Variants in JAG1 observed in about 807,000 individuals in gnomAD.
JAG1 encodes protein jagged-1.
JAG1 carries 23 observed loss-of-function variants against 148.7 expected under a neutral mutation model. That is an observed-to-expected ratio of 0.15 (90% confidence interval 0.11 to 0.22). The LOEUF (loss-of-function observed/expected upper bound fraction) is 0.22, where lower values mean the gene tolerates loss of function less well. Ranked by LOEUF, JAG1 falls within the 10% of genes least tolerant of loss-of-function variation. JAG1 has a pLI of 1.00. For synonymous variants in JAG1, 572 were observed against 598.3 expected (o/e 0.96, Z 0.64); for missense variants, 1,054 against 1,611.2 (o/e 0.65, Z 5.92).
Position 10,673,216 on chromosome 20 carries a change from G to A in JAG1, c.82-210C>T, listed in dbSNP as rs2067510682. Among the ~76,000 whole-genome samples the A allele has an allele frequency of 6.6e-6, 1 of 152,174 alleles. No homozygotes were observed. Among genetic ancestry groups the A allele is most frequent in the South Asian group, 2.1e-4 (1 of 4,818 alleles). On this transcript the variant is annotated intron_variant, in intron 1 of 25. Coordinates refer to ENST00000254958, the MANE Select transcript of JAG1 (RefSeq NM_000214.3). The surrounding 1 kb of genome is among the most constrained non-coding windows in gnomAD (Gnocchi z 4.7). ...GCGGAAGAAATCCGACGACTTCCCGGGGGGCAACAGCGGAGCGAACGCGCC... is the reference window on the plus strand; with the variant it reads ...GCGGAAGAAATCCGACGACTTCCCGAGGGGCAACAGCGGAGCGAACGCGCC...
intron 2 of JAG1, among the ~76,000 whole-genome samples, chr20:10,668,918 G>A (rs375081235): frequency 2.0e-5 from 3 of 152,174 alleles, no homozygotes; most frequent in East Asian, 1.9e-4. Context: ...GTAGAATTAC[G>A]GGTGTGGAAC....
At chr20:10,651,992 T>C (rs2067349808) in intron 7 of JAG1, 139 bp downstream of exon 7, 2 of 1,006,770 alleles carry the variant, frequency 2.0e-6, no homozygotes. Context: ...TACAAAGGCT[T>C]ATAGAATGGT....
At position 10,646,780 on chromosome 20, in the gene JAG1, G is replaced by A. The variant is rs182863102; in HGVS notation, c.1885+159C>T. On this transcript the variant is annotated intron_variant, in intron 14 of 25. Transcript: ENST00000254958. ...GCCGAGGTTGTGGTGAGCCGAGATC[G>A]TGCCACTGCACTCTAGCCTGGGCAA... 3.3e-3 allele frequency among the ~76,000 whole-genome samples: 499 copies of A among 151,938 alleles called. 6 individuals carry two copies. The highest frequency in any genetic ancestry group is 2.5e-3 in the Non-Finnish European group (173 of 67,954).
intron 3 of JAG1, among the ~76,000 whole-genome samples, chr20:10,661,979 C>G (rs78269229): frequency 0.058 from 8,830 of 152,180 alleles, 452 homozygotes; most frequent in East Asian, 0.22. Flanking sequence ...TGCCAGACAC[C>G]CAGAAGGGGC....
chr20:10,656,267 T>A, intron 5 of JAG1, 131 bp downstream of exon 5: 2 of 723,122 alleles, frequency 2.8e-6, no homozygotes, highest in Non-Finnish European at 4.9e-6. Context: ...CGGATGTGTC[T>A]ATCTGAATTT....
At chr20:10,640,208 CTT>C (rs1222851304) in intron 25 of JAG1, among the ~76,000 whole-genome samples, 10 of 152,228 alleles carry the variant, frequency 6.6e-5, no homozygotes, top group Non-Finnish European at 1.3e-4. Context: ...CCTACAGGCT[CTT>C]TGACTTCGCA....
At position 10,639,678 on chromosome 20, in the gene JAG1, G is replaced by A. The variant is rs765431052; in HGVS notation, c.3477C>T (p.Asp1159=). Residue 1159 remains aspartate (D), a synonymous_variant, in exon 26 of 26, where the codon GAC becomes GAT. Transcript: ENST00000254958. ...IRTHNSEVEE[D]DMDKHQQKAR... is the part of the protein sequence containing the mutation. ...CTTTCTGCTGGTGTTTGTCCATGTC[G>A]TCCTCTTCTACTTCAGAATTGTGTG... 25 of 1,614,058 alleles carry A rather than the reference G, an allele frequency of 1.5e-5. No individual in the cohort carries two copies. The highest frequency in any genetic ancestry group is 5.0e-5 in the Admixed American group (3 of 60,002).
At chr20:10,671,511 CCT>C (rs2067494730) in intron 2 of JAG1, among the ~76,000 whole-genome samples, 1 of 152,132 alleles carries the variant, frequency 6.6e-6, no homozygotes, top group African/African-American at 2.4e-5. Flanking sequence ...GATAGTCTCC[CCT>C]CTGTCTCCTC....
At chr20:10,642,194 C>G (rs1267836414) in intron 21 of JAG1, among the ~76,000 whole-genome samples, 1 of 152,158 alleles carries the variant, frequency 6.6e-6, no homozygotes, top group Non-Finnish European at 1.5e-5. Flanking sequence ...TCGAACTGAA[C>G]CCAACCCACA....
At chr20:10,657,188 A>AGACT (rs1205328072) in intron 4 of JAG1, among the ~76,000 whole-genome samples, 5 of 152,176 alleles carry the variant, frequency 3.3e-5, no homozygotes, top group Non-Finnish European at 7.3e-5. Flanking sequence ...CAACATAGCA[A>AGACT]GACTATGTCT....
intron 4 of JAG1, among the ~76,000 whole-genome samples, chr20:10,658,056 A>G (rs553348754): frequency 6.6e-6 from 1 of 152,212 alleles, no homozygotes; most frequent in East Asian, 1.9e-4. Context: ...CATGGTCTCA[A>G]CTGGAGTCTG....
intron 3 of JAG1, among the ~76,000 whole-genome samples, chr20:10,659,435 A>G (rs2122625058): frequency 6.6e-6 from 1 of 152,346 alleles, no homozygotes; most frequent in Admixed American, 6.5e-5. Context: ...GCTCTTGAAG[A>G]AATTTCATTA....
At chr20:10,646,860 C>A in intron 14 of JAG1, 79 bp downstream of exon 14, 1 of 1,407,022 alleles carries the variant, frequency 7.1e-7, no homozygotes, top group Non-Finnish European at 1.0e-6. Context: ...ACCAATGATC[C>A]CAGGGTGGGC....
intron 3 of JAG1, among the ~76,000 whole-genome samples, chr20:10,661,323 C>T (rs751927253): frequency 3.9e-5 from 6 of 152,160 alleles, no homozygotes; most frequent in Non-Finnish European, 8.8e-5. Flanking sequence ...GTTTACAACT[C>T]GCTTGGGTCC....
Position 10,667,385 on chromosome 20 carries a change from G to A in JAG1, c.388-3371C>T, listed in dbSNP as rs547232736. Among the ~76,000 whole-genome samples, 188 of 152,270 alleles carry A rather than the reference G, an allele frequency of 1.2e-3. 1 individual carries two copies. Among genetic ancestry groups the A allele is most frequent in the African/African-American group, 4.5e-3 (186 of 41,538 alleles). On this transcript the variant is annotated intron_variant, in intron 2 of 25. Transcript: ENST00000254958. ...CCTGTGTTAGCATTATTTTTGGAGA[G>A]GCCCTATTATTCTCCATAATCCTCA...
Position 10,645,175 on chromosome 20 carries a change from G to A in JAG1, c.2195C>T (p.Pro732Leu). ...DEGDAFKCMC[P>L]GGWEGTTCNI... ...ACAGGTTGTTCCTTCCCAGCCGCCA[G>A]GACACATGCACTTAAAAGCATCCCC... Residue 732 changes from proline to leucine, a missense_variant, in exon 17 of 26, where the codon CCT (proline) becomes CTT (leucine). This residue lies in a region of JAG1 where 342 missense variants were observed against 514.6 expected (regional missense o/e 0.66). Transcript: ENST00000254958. The surrounding 1 kb of genome is among the most constrained non-coding windows in gnomAD (Gnocchi z 6.1). 6.2e-7 allele frequency: 1 copy of A among 1,614,078 alleles called. No individual in the cohort carries two copies. The highest frequency in any genetic ancestry group is 8.5e-7 in the Non-Finnish European group (1 of 1,180,008).
At position 10,639,233 on chromosome 20, in the gene JAG1, G is replaced by A; in HGVS notation, c.*265C>T. On this transcript the variant is annotated 3_prime_UTR_variant, in exon 26 of 26. Transcript: ENST00000254958. ...GACCAGGGGGCTGGGCAGGCTCCTGGGAGCCTGATCCGAGACCGTGTCGGC... is the reference window on the plus strand; with the variant it reads ...GACCAGGGGGCTGGGCAGGCTCCTGAGAGCCTGATCCGAGACCGTGTCGGC... 1 of 506,750 alleles carries A rather than the reference G, an allele frequency of 2.0e-6. No individual in the cohort carries two copies. The highest frequency in any genetic ancestry group is 3.6e-6 in the Non-Finnish European group (1 of 276,554). 31.4% of individuals were successfully genotyped at this position (506,750 alleles called of 1,614,324 possible).
In JAG1 at chr20:10,650,612, C is replaced by T. The variant is rs1047140929; in HGVS notation, c.1121-252G>A. The T allele has an allele frequency of 8.4e-5, 42 of 501,162 alleles. 1 individual carries two copies. The highest frequency in any genetic ancestry group is 1.7e-4 in the South Asian group (8 of 47,840). The allele number at this position is 501,162 out of a possible 1,614,324, so 31.0% of individuals were successfully genotyped here. A position where few individuals can be genotyped will look rare whatever the true frequency, so the allele number is the denominator to read the frequency against. On this transcript the variant is annotated intron_variant, in intron 8 of 25. Coordinates refer to ENST00000254958, the MANE Select transcript of JAG1 (RefSeq NM_000214.3). ...GGGGAGAAAGACAGCTGGATACTGACGGAGCATCCGCCCAGGAGGAACACA... is the reference window on the plus strand; with the variant it reads ...GGGGAGAAAGACAGCTGGATACTGATGGAGCATCCGCCCAGGAGGAACACA...
intron 7 of JAG1, 23 bp from the exon 8 acceptor site, chr20:10,651,717 C>G (rs769044096): frequency 1.3e-6 from 2 of 1,489,952 alleles, no homozygotes; most frequent in Non-Finnish European, 1.9e-6. Context: ...GGATGGCAGT[C>G]AGAGAGGGAT....
Sources: gnomAD v4.1 joint callset for allele counts (sites outside exome capture counted in the v4.1 genomes callset) on GRCh38, gnomAD v4.1.1 for gene constraint, gnomAD v4.1.1 regional missense constraint, Gnocchi (gnomAD v3.1) non-coding constraint, MANE v1.5 for transcripts, NCBI Gene and HGNC (gene_info 2026-07-23, HGNC 2026-07-21) for gene names.